Variants in ACTR3C observed in about 807,000 individuals in gnomAD.
The protein encoded by ACTR3C is actin related protein 3C.
In ACTR3C, 18 loss-of-function variants were observed where a neutral mutation model predicts 26.3. That is an observed-to-expected ratio of 0.68 (90% CI 0.47 to 1.01). The LOEUF (loss-of-function observed/expected upper bound fraction) is 1.01, where lower values mean the gene tolerates loss of function less well. Among genes scored for constraint, ACTR3C ranks in the 50% least tolerant of loss-of-function variants. The pLI is 0.00. For missense variants in ACTR3C, 184 were observed against 250.7 expected (o/e 0.73, Z 1.80); for synonymous variants, 55 against 94.5 (o/e 0.58, Z 2.42).
the ACTR3C span, among the ~76,000 whole-genome samples, chr7:149,928,503 G>A: frequency 8.6e-5 from 13 of 150,758 alleles, no homozygotes; most frequent in African/African-American, 2.9e-4. Context: ...ACAGGTGTGA[G>A]CCACTGCGCC....
chr7:150,023,554 C>T, the ACTR3C span, among the ~76,000 whole-genome samples: 2 of 151,876 alleles, frequency 1.3e-5, no homozygotes, highest in African/African-American at 2.4e-5. Flanking sequence ...AAATAACTTA[C>T]TTTTAAATAA....
the ACTR3C span, among the ~76,000 whole-genome samples, chr7:150,054,216 CTAAATGGAATAAGCCATTATTTCCA>C: frequency 1.3e-5 from 2 of 152,218 alleles, no homozygotes; most frequent in African/African-American, 4.8e-5. Context: ...TCTTTGAGTT[CTAAATGGAATAAGCCATTATTTCCA>C]TATTCAAAAC....
At chr7:150,003,610 GGTGTGT>G in the ACTR3C span, among the ~76,000 whole-genome samples, 14,077 of 143,714 alleles carry the variant, frequency 0.098, no homozygotes, top group East Asian at 0.26. Context: ...TATGTTATCT[GGTGTGT>G]GTGTGTGTGG....
chr7:150,273,283 CT>C (rs112162611), intron 6 of ACTR3C, among the ~76,000 whole-genome samples: 3,981 of 126,378 alleles, frequency 0.032, 750 homozygotes, highest in African/African-American at 0.14. Flanking sequence ...ACAGACCAAC[CT>C]TTTTTTTTTT....
At chr7:149,913,010 A>G in the ACTR3C span, among the ~76,000 whole-genome samples, 1 of 152,356 alleles carries the variant, frequency 6.6e-6, no homozygotes, top group Non-Finnish European at 1.5e-5. Context: ...TAATGTAACA[A>G]ACATCAAACC....
At chr7:149,960,331 T>G in the ACTR3C span, among the ~76,000 whole-genome samples, 2 of 152,088 alleles carry the variant, frequency 1.3e-5, no homozygotes, top group East Asian at 3.8e-4. Flanking sequence ...TGTCTGAAAA[T>G]GTACTGACAA....
chr7:150,197,544 G>A, the ACTR3C span, among the ~76,000 whole-genome samples: 1 of 152,186 alleles, frequency 6.6e-6, no homozygotes, highest in Non-Finnish European at 1.5e-5. Context: ...AAAGTTGGGT[G>A]TAACCCTCCA....
the ACTR3C span, chr7:149,892,285 A>G: frequency 2.6e-6 from 4 of 1,560,964 alleles, no homozygotes; most frequent in Non-Finnish European, 3.5e-6. Context: ...TTTGTAGCAT[A>G]TGTAGGTTTA....
At chr7:149,952,719 A>C in the ACTR3C span, among the ~76,000 whole-genome samples, 21 of 151,340 alleles carry the variant, frequency 1.4e-4, no homozygotes, top group East Asian at 3.5e-3. Flanking sequence ...ATAAACATGA[A>C]AAAAATTCAA....
At chr7:150,133,162 C>T in the ACTR3C span, among the ~76,000 whole-genome samples, 1 of 152,146 alleles carries the variant, frequency 6.6e-6, no homozygotes. Context: ...CTCTCATGCT[C>T]CCAACAGGAA....
chr7:149,954,730 A>G, the ACTR3C span, among the ~76,000 whole-genome samples: 3 of 152,270 alleles, frequency 2.0e-5, no homozygotes, highest in African/African-American at 7.2e-5. Context: ...TGAATTAAGG[A>G]TAAGGTCATT....
At chr7:149,993,770 A>T in the ACTR3C span, among the ~76,000 whole-genome samples, 1 of 152,346 alleles carries the variant, frequency 6.6e-6, no homozygotes, top group South Asian at 2.1e-4. Flanking sequence ...AGGCTCCACA[A>T]GGCTAACCAG....
chr7:150,041,883 C>G, the ACTR3C span, among the ~76,000 whole-genome samples: 2 of 142,438 alleles, frequency 1.4e-5, no homozygotes, highest in Non-Finnish European at 3.1e-5. Flanking sequence ...GGTTGCCTCC[C>G]CCTCCTGCGA....
At chr7:150,041,959 C>G in the ACTR3C span, among the ~76,000 whole-genome samples, 1 of 142,344 alleles carries the variant, frequency 7.0e-6, no homozygotes, top group Non-Finnish European at 1.6e-5. Context: ...AAGGTACCTG[C>G]TGTCGGAAGA....
chr7:149,935,991 T>C, the ACTR3C span, among the ~76,000 whole-genome samples: 3 of 146,464 alleles, frequency 2.0e-5, no homozygotes, highest in African/African-American at 5.5e-5. Context: ...CCCAAAAGTA[T>C]GGAAACTTCT....
At chr7:150,051,124 G>A in the ACTR3C span, among the ~76,000 whole-genome samples, 1 of 138,530 alleles carries the variant, frequency 7.2e-6, no homozygotes, top group Non-Finnish European at 1.6e-5. Context: ...ATAAATAAAT[G>A]TTCTATACCT....
chr7:150,049,747 C>T, the ACTR3C span, among the ~76,000 whole-genome samples: 2 of 152,206 alleles, frequency 1.3e-5, no homozygotes, highest in Admixed American at 6.5e-5. Flanking sequence ...CTCCCTTCCC[C>T]AAGCTTTCAA....
chr7:150,281,725 G>A (rs1489631575), intron 6 of ACTR3C, among the ~76,000 whole-genome samples: 1 of 152,116 alleles, frequency 6.6e-6, no homozygotes, highest in African/African-American at 2.4e-5. Context: ...AGGCCAACCC[G>A]GACAGTATTA....
chr7:150,094,110 A>C, the ACTR3C span, among the ~76,000 whole-genome samples: 1 of 150,490 alleles, frequency 6.6e-6, no homozygotes, highest in African/African-American at 2.5e-5. Flanking sequence ...CTCAGAGCCT[A>C]CCCTAGTGAT....
Sources: gnomAD v4.1 joint callset for allele counts (sites outside exome capture counted in the v4.1 genomes callset) on GRCh38, gnomAD v4.1.1 for gene constraint, MANE v1.5 for transcripts, NCBI Gene and HGNC (gene_info 2026-07-23, HGNC 2026-07-21) for gene names.